Variants in ELOVL4 observed in about 807,000 individuals in gnomAD.
The protein encoded by ELOVL4 is very long chain fatty acid elongase 4.
ELOVL4 carries 18 observed loss-of-function variants against 42.1 expected under a neutral mutation model. That is an observed-to-expected ratio of 0.43 (90% CI 0.30 to 0.63). The LOEUF is 0.63. Ranked by LOEUF, ELOVL4 falls within the 30% of genes least tolerant of loss-of-function variation. ELOVL4 has a pLI of 0.15. For synonymous variants in ELOVL4, 117 were observed against 127.0 expected, an observed-to-expected ratio of 0.92 and a Z score of 0.53; for missense variants, 299 against 376.2, an observed-to-expected ratio of 0.79 and a Z score of 1.70.
intron 1 of ELOVL4, among the ~76,000 whole-genome samples, chr6:79,936,308 T>G (rs997782285): frequency 6.6e-6 from 1 of 152,176 alleles, no homozygotes; most frequent in Non-Finnish European, 1.5e-5. Context: ...AGTTGCAAAT[T>G]AATTCCTTTT....
chr6:79,917,422 G>A (rs1561982411), intron 5 of ELOVL4, among the ~76,000 whole-genome samples: 2 of 152,128 alleles, frequency 1.3e-5, no homozygotes, highest in Admixed American at 6.5e-5. Context: ...TTGTCAGCAA[G>A]CAGATACACA....
intron 1 of ELOVL4, among the ~76,000 whole-genome samples, chr6:79,933,220 T>TTTTGTTTG (rs34315202): frequency 3.0e-4 from 46 of 151,568 alleles, no homozygotes; most frequent in African/African-American, 1.0e-3. Flanking sequence ...ATTTGATTGT[T>TTTTGTTTG]TTTGTTTGTT....
At position 79,947,293 on chromosome 6, in the gene ELOVL4, G is replaced by T. The variant is rs965976197; in HGVS notation, c.-14C>A. 1.2e-5 allele frequency: 20 copies of T among 1,601,322 alleles called. 1 individual carries two copies. In the African/African-American group the frequency reaches 1.3e-4, roughly 11 times the overall value. On this transcript the variant is annotated 5_prime_UTR_variant, in exon 1 of 6. Transcript: ENST00000369816. ...CAGGAGCCCCATCGCGGCGATGAGC[G>T]GGCGCTGGCGGCAGGAGAAAGCGGA... is the stretch of plus-strand genomic sequence containing the variant.
rs528422577 is a variant in ELOVL4, at chr6:79,915,891, T to C, written c.*717A>G. On this transcript the variant is annotated 3_prime_UTR_variant, in exon 6 of 6. Transcript: ENST00000369816. ...TCTGCTACTAACAGGAGTATTCAAA[T>C]GCTGCCTTTTCATCACAAAAAATTG... 2.5e-4 allele frequency: 38 copies of C among 152,794 alleles called. No individual in the cohort carries two copies. The highest frequency in any genetic ancestry group is 9.1e-4 in the African/African-American group (38 of 41,576). The allele number at this position is 152,794 out of a possible 1,614,324, so 9.5% of individuals were successfully genotyped here. A position where few individuals can be genotyped will look rare whatever the true frequency, so the allele number is the denominator to read the frequency against.
Position 79,925,032 on chromosome 6 carries a change from A to C in ELOVL4, c.289T>G (p.Leu97Val), listed in dbSNP as rs764848965. Residue 97 changes from leucine to valine, a missense_variant and splice_region_variant, in exon 3 of 6, where the codon TTA becomes GTA. Transcript: ENST00000369816. ...VLLNLFIFRE[L>V]FMGSYNAGYS... Reference sequence around the variant, plus strand: ...CCCGCATTATATGATCCCATGAATAACTGGAAAAAGAGTAATAATATTTGT... The same window carrying C: ...CCCGCATTATATGATCCCATGAATACCTGGAAAAAGAGTAATAATATTTGT... The C allele has an allele frequency of 1.3e-6, 2 of 1,588,898 alleles. No homozygotes were observed. Among genetic ancestry groups the C allele is most frequent in the Non-Finnish European group, 1.7e-6 (2 of 1,157,320 alleles).
chr6:79,944,227 G>T (rs564988537), intron 1 of ELOVL4, among the ~76,000 whole-genome samples: 1 of 152,236 alleles, frequency 6.6e-6, no homozygotes, highest in East Asian at 1.9e-4. Context: ...TTTAAAAAAT[G>T]TATATACAAC....
intron 1 of ELOVL4, among the ~76,000 whole-genome samples, chr6:79,938,299 C>T (rs1183540883): frequency 6.6e-6 from 1 of 152,112 alleles, no homozygotes; most frequent in Non-Finnish European, 1.5e-5. Context: ...CCAATGAACT[C>T]AAAGCTTTAA....
At chr6:79,925,286 C>A (rs1006415568) in intron 2 of ELOVL4, among the ~76,000 whole-genome samples, 2 of 152,062 alleles carry the variant, frequency 1.3e-5, no homozygotes, top group African/African-American at 4.8e-5. Context: ...TTAAATACTT[C>A]ACAGTATTAA....
intron 1 of ELOVL4, among the ~76,000 whole-genome samples, chr6:79,945,224 G>A (rs559663084): frequency 2.0e-5 from 3 of 152,298 alleles, no homozygotes; most frequent in Admixed American, 6.5e-5. Context: ...CTCAGGTTTC[G>A]TAAGTGGATA....
At chr6:79,923,726 C>G (rs1340319791) in intron 3 of ELOVL4, among the ~76,000 whole-genome samples, 1 of 152,140 alleles carries the variant, frequency 6.6e-6, no homozygotes, top group South Asian at 2.1e-4. Context: ...GGCTTTTCAC[C>G]CCTGTCCCCA....
intron 1 of ELOVL4, among the ~76,000 whole-genome samples, chr6:79,933,220 T>TTTG (rs1774481025): frequency 6.6e-6 from 1 of 151,568 alleles, no homozygotes; most frequent in African/African-American, 2.4e-5. Flanking sequence ...ATTTGATTGT[T>TTTG]TTTGTTTGTT....
At chr6:79,930,295 C>G (rs1369576173) in intron 1 of ELOVL4, among the ~76,000 whole-genome samples, 1 of 152,188 alleles carries the variant, frequency 6.6e-6, no homozygotes. Flanking sequence ...TTACACCATA[C>G]CCTTCTCAAA....
chr6:79,938,378 A>T (rs1774584611), intron 1 of ELOVL4, among the ~76,000 whole-genome samples: 1 of 152,158 alleles, frequency 6.6e-6, no homozygotes. Flanking sequence ...TGAGTGTGTG[A>T]GTTAATGGGA....
Position 79,944,196 on chromosome 6 carries a change from G to C in ELOVL4, c.100+2984C>G, listed in dbSNP as rs369218338. ...AGATAAGTTGGGTATTCATAGATTG[G>C]GGAATATTTAGATTCATCAGTTTAA... On this transcript the variant is annotated intron_variant, in intron 1 of 5. Transcript: ENST00000369816. 5.9e-5 allele frequency among the ~76,000 whole-genome samples: 9 copies of C among 152,042 alleles called. No individual in the cohort carries two copies. The East Asian group carries it at 1.2e-3, about 20-fold the overall frequency.
chr6:79,937,627 T>A (rs543499071), intron 1 of ELOVL4, among the ~76,000 whole-genome samples: 2 of 152,272 alleles, frequency 1.3e-5, no homozygotes, highest in South Asian at 4.1e-4. Context: ...TTAGTAAGCA[T>A]CCAATAAATG....
At chr6:79,921,894 C>G in intron 3 of ELOVL4, 98 bp from the exon 4 acceptor site, 1 of 1,168,010 alleles carries the variant, frequency 8.6e-7, no homozygotes, top group Non-Finnish European at 1.3e-6. Context: ...TTGTATATTG[C>G]ACAAAATGTA....
chr6:79,931,438 C>T (rs1302489240), intron 1 of ELOVL4, among the ~76,000 whole-genome samples: 1 of 152,132 alleles, frequency 6.6e-6, no homozygotes, highest in Non-Finnish European at 1.5e-5. Flanking sequence ...ACTCAATCAC[C>T]ATGTACTTTA....
At chr6:79,929,606 C>T (rs1237424016) in intron 1 of ELOVL4, among the ~76,000 whole-genome samples, 1 of 152,180 alleles carries the variant, frequency 6.6e-6, no homozygotes. Flanking sequence ...TGCCATTATT[C>T]CATGGACCAT....
At chr6:79,945,040 A>T (rs1434188000) in intron 1 of ELOVL4, among the ~76,000 whole-genome samples, 1 of 150,740 alleles carries the variant, frequency 6.6e-6, no homozygotes, top group Non-Finnish European at 1.5e-5. Context: ...AATGAGGGAG[A>T]GTAAACGTAA....
Sources: allele counts gnomAD v4.1 joint callset (sites outside exome capture counted in the v4.1 genomes callset), GRCh38; gene constraint gnomAD v4.1.1; transcripts MANE v1.5; gene names NCBI Gene and HGNC (gene_info 2026-07-23, HGNC 2026-07-21).